The following CWC25 variants were observed in gnomAD, a reference collection of about 807,000 sequenced individuals.
CWC25 encodes the protein pre-mRNA-splicing factor CWC25 homolog.
In CWC25, 31 loss-of-function variants were observed where a neutral mutation model predicts 54.6. The ratio of observed to expected loss-of-function variants is 0.57; its 90% confidence interval spans 0.43 to 0.77. The LOEUF (loss-of-function observed/expected upper bound fraction) is 0.77. Among genes scored for constraint, CWC25 ranks in the 30% least tolerant of loss-of-function variants. CWC25 has a pLI of 0.00. For synonymous variants in CWC25, 151 were observed against 187.0 expected, an observed-to-expected ratio of 0.81 and a Z score of 1.57; for missense variants, 453 against 529.3, an observed-to-expected ratio of 0.86 and a Z score of 1.41.
chr17:38,804,787 G>A (rs1398370355), intron 8 of CWC25, among the ~76,000 whole-genome samples: 13 of 115,778 alleles, frequency 1.1e-4, no homozygotes, highest in African/African-American at 3.9e-4. Context: ...CAGCCTGGGC[G>A]ACAGAGCGAG....
chr17:38,806,313 C>A lies in CWC25; in HGVS notation c.985G>T (p.Ala329Ser), dbSNP rs1911234441. The change falls in exon 8 of 10, where the codon GCT becomes TCT. Residue 329 changes from alanine to serine, a missense_variant. Physicochemically the swap from Ala to Ser is moderately conservative, Grantham distance 99 (BLOSUM62 1). This residue lies in a region of CWC25 where 444 missense variants were observed against 499.2 expected (regional missense o/e 0.89). Coordinates refer to ENST00000614790, the MANE Select transcript of CWC25 (RefSeq NM_017748.5). ...PKKEVYQRRH[A>S]PGYTRKLSAE... ...CTGACTCACCTGGTGTATCCGGGAG[C>A]ATGTCGCCTTTGGTAGACCTCTTTT... 1.2e-6 allele frequency: 2 copies of A among 1,612,194 alleles called. No individual in the cohort carries two copies. The highest frequency in any genetic ancestry group is 1.7e-6 in the Non-Finnish European group (2 of 1,179,206).
intron 4 of CWC25, among the ~76,000 whole-genome samples, chr17:38,811,277 T>TA (rs1476731710): frequency 6.7e-6 from 1 of 148,820 alleles, no homozygotes; most frequent in Non-Finnish European, 1.5e-5. Context: ...CTCATACCTG[T>TA]AATCCCAGCA....
At chr17:38,811,506 A>G (rs1171954450) in intron 4 of CWC25, among the ~76,000 whole-genome samples, 1 of 143,766 alleles carries the variant, frequency 7.0e-6, no homozygotes, top group Non-Finnish European at 1.5e-5. Context: ...GCACCACTGC[A>G]CTCCACCTTG....
rs779958481 is a variant in CWC25 at position 38,820,999 on chromosome 17, C to T, written c.93G>A (p.Glu31=). ...GCTCCTCAATCTTCTTCCGCTCAGC[C>T]TCATGCTTCTGCTCGGCCTTCCACA... ...EKVWKAEQKH[E]AERKKIEELQ... The change falls in exon 2 of 10, where the codon GAG becomes GAA. Residue 31 remains glutamate (E), a synonymous_variant. Coordinates refer to ENST00000614790, the MANE Select transcript of CWC25 (RefSeq NM_017748.5). The T allele has an allele frequency of 3.7e-6, 6 of 1,613,862 alleles. No homozygotes were observed. The highest frequency in any genetic ancestry group is 3.3e-5 in the South Asian group (3 of 91,090).
intron 6 of CWC25, among the ~76,000 whole-genome samples, chr17:38,808,717 G>A (rs1911356122): frequency 6.6e-6 from 1 of 151,352 alleles, no homozygotes; most frequent in African/African-American, 2.4e-5. Context: ...GGAGGCAGAG[G>A]TTGCAGTGAG....
Position 38,800,946 on chromosome 17 carries a change from G to T in CWC25, c.*1146C>A, listed in dbSNP as rs979671925. The stretch of plus-strand genomic sequence containing the variant: ...CTACAGGCGCCCGCCACCACGCCCG[G>T]CTAATTTTTTGTATTTTTTTAGTAG... On this transcript the variant is annotated 3_prime_UTR_variant, in exon 10 of 10. Transcript: ENST00000614790. 6.8e-6 allele frequency: 1 copy of T among 146,560 alleles called. No homozygotes were observed. The highest frequency in any genetic ancestry group is 2.5e-5 in the African/African-American group (1 of 40,270). The allele number at this position is 146,560 out of a possible 1,614,324, so 9.1% of individuals were successfully genotyped here.
intron 8 of CWC25, among the ~76,000 whole-genome samples, chr17:38,805,068 T>C (rs1030702002): frequency 2.7e-5 from 4 of 150,388 alleles, no homozygotes; most frequent in African/African-American, 4.9e-5. Flanking sequence ...GATTGGGCCA[T>C]TGCACTCCAG....
chr17:38,821,783 T>A (rs1354074616), intron 1 of CWC25, among the ~76,000 whole-genome samples: 1 of 67,256 alleles, frequency 1.5e-5, no homozygotes, highest in African/African-American at 1.5e-4. Flanking sequence ...CATTCATTCT[T>A]TTTTTTTTTT....
Position 38,806,310 on chromosome 17 carries a change from G to C in CWC25, c.988C>G (p.Pro330Ala). Residue 330 changes from proline to alanine, a missense_variant, in exon 8 of 10, where the codon CCC (proline) becomes GCC (alanine). Physicochemically the swap from Pro to Ala is conservative, Grantham distance 27 (BLOSUM62 -1). Coordinates refer to ENST00000614790, the MANE Select transcript of CWC25 (RefSeq NM_017748.5). ...KKEVYQRRHA[P>A]GYTRKLSAEE... is the part of the protein sequence containing the mutation. ...CTCCTGACTCACCTGGTGTATCCGG[G>C]AGCATGTCGCCTTTGGTAGACCTCT... The C allele has an allele frequency of 6.2e-7, 1 of 1,612,028 alleles. No individual in the cohort carries two copies. The highest frequency in any genetic ancestry group is 1.7e-4 in the Middle Eastern group (1 of 6,058).
intron 8 of CWC25, 102 bp downstream of exon 8, chr17:38,806,195 T>C (rs1426993578): frequency 2.9e-5 from 30 of 1,031,974 alleles, no homozygotes; most frequent in African/African-American, 4.8e-5. Context: ...TAAAAGTTGG[T>C]TCGTCGAAAA....
chr17:38,812,917 T>C, intron 3 of CWC25, 53 bp from the exon 4 acceptor site: 1 of 1,003,648 alleles, frequency 1.0e-6, no homozygotes, highest in Non-Finnish European at 1.5e-6. Context: ...CCAAATTCTA[T>C]GGAGTAACCT....
chr17:38,804,905 G>A (rs1000833942), intron 8 of CWC25, among the ~76,000 whole-genome samples: 3 of 150,702 alleles, frequency 2.0e-5, no homozygotes, highest in East Asian at 2.0e-4. Context: ...TTGGGAGTTC[G>A]AGACCAGCCT....
chr17:38,821,125 G>A (rs925937620), intron 1 of CWC25, 52 bp from the exon 2 acceptor site: 30 of 1,566,284 alleles, frequency 1.9e-5, no homozygotes, highest in Middle Eastern at 1.7e-4. Context: ...ACTGAGTGGT[G>A]GGTATAACTA....
At position 38,825,263 on chromosome 17, in the gene CWC25, G is replaced by A. The variant is rs1042250455; in HGVS notation, c.-80C>T. On this transcript the variant is annotated 5_prime_UTR_variant, in exon 1 of 10. Transcript: ENST00000614790. ...GAGAAAACGTAGAGAAATAGTTCGG[G>A]GGCTACCTCGCGGGATCTAGTCCCA... is the stretch of plus-strand genomic sequence containing the variant. The A allele has an allele frequency of 4.8e-6, 7 of 1,461,114 alleles. No individual in the cohort carries two copies. The African/African-American group carries it at 7.0e-5, about 15-fold the overall frequency. The allele number at this position is 1,461,114 out of a possible 1,614,324, so 90.5% of individuals were successfully genotyped here.
At chr17:38,825,043 G>C in intron 1 of CWC25, 123 bp downstream of exon 1, 1 of 881,812 alleles carries the variant, frequency 1.1e-6, no homozygotes, top group South Asian at 1.9e-5. Context: ...TCAGGGCAAC[G>C]GCCTCCTCCC....
At position 38,807,675 on chromosome 17, in the gene CWC25, G is replaced by A. The variant is rs779142783; in HGVS notation, c.691-699C>T. Reference sequence around the variant, plus strand: ...GGAGGTTGAGGCAGAAGGATCCCTTGAGCCTAAGAGGTCAAGACAGCAGTG... The same window carrying A: ...GGAGGTTGAGGCAGAAGGATCCCTTAAGCCTAAGAGGTCAAGACAGCAGTG... On this transcript the variant is annotated intron_variant, in intron 6 of 9. Transcript: ENST00000614790. Among the ~76,000 whole-genome samples, 8 of 135,822 alleles carry A rather than the reference G, an allele frequency of 5.9e-5. 2 individuals carry two copies. The allele number at this position is 135,822 out of a possible 152,430, so 89.1% of individuals were successfully genotyped here. A position where few individuals can be genotyped will look rare whatever the true frequency, so the allele number is the denominator to read the frequency against.
chr17:38,810,530 T>C lies in CWC25; in HGVS notation c.564A>G (p.Lys188=). The change falls in exon 5 of 10, where the codon AAA becomes AAG. Residue 188 remains lysine, a synonymous_variant. Coordinates refer to ENST00000614790, the MANE Select transcript of CWC25 (RefSeq NM_017748.5). ...KKKEKKKKHK[K]HKHRSSSSDR... ...CACTACTCGAGCTTCTGTGCTTATG[T>C]TTCTTGTGCTTCTTTTTCTTCTCCT... The C allele has an allele frequency of 5.6e-6, 9 of 1,603,264 alleles. No homozygotes were observed. Among genetic ancestry groups the C allele is most frequent in the African/African-American group, 1.3e-5 (1 of 74,942 alleles).
chr17:38,811,788 C>T (rs1477760151), intron 4 of CWC25, among the ~76,000 whole-genome samples: 1 of 152,164 alleles, frequency 6.6e-6, no homozygotes, highest in Non-Finnish European at 1.5e-5. Flanking sequence ...ACCAAAACCA[C>T]TGCCTAGGAG....
At chr17:38,812,925 C>A (rs1911549634) in intron 3 of CWC25, 61 bp from the exon 4 acceptor site, 4 of 936,256 alleles carry the variant, frequency 4.3e-6, no homozygotes, top group Non-Finnish European at 6.7e-6. Flanking sequence ...TATGGAGTAA[C>A]CTTTTCTCCA....
Sources: allele counts gnomAD v4.1 joint callset (sites outside exome capture counted in the v4.1 genomes callset), GRCh38; gene constraint gnomAD v4.1.1; regional missense constraint gnomAD v4.1.1; transcripts MANE v1.5; gene names NCBI Gene and HGNC (gene_info 2026-07-23, HGNC 2026-07-21).